Variants in ATXN7 observed in about 807,000 individuals in gnomAD.
ATXN7 encodes the protein ataxin 7.
In ATXN7, 12 loss-of-function variants were observed where a neutral mutation model predicts 70.5. The ratio of observed to expected loss-of-function variants is 0.17; its 90% CI spans 0.11 to 0.28. The LOEUF is 0.28. ATXN7 is among the 10% of genes least tolerant of loss of function. ATXN7 has a pLI of 1.00. For missense variants in ATXN7, 1,256 were observed against 1,131.7 expected (o/e 1.11, Z -1.58); for synonymous variants, 498 against 448.7 (o/e 1.11, Z -1.39).
At chr3:63,984,698 T>C (rs560710355) in intron 8 of ATXN7, among the ~76,000 whole-genome samples, 55 of 152,344 alleles carry the variant, frequency 3.6e-4, no homozygotes, top group African/African-American at 1.3e-3. Context: ...TATTGTTGAC[T>C]GTGAAAGAAT....
chr3:63,902,087 G>A (rs190992181), intron 2 of ATXN7: 1 of 152,242 alleles, frequency 6.6e-6, no homozygotes, highest in East Asian at 1.9e-4. Flanking sequence ...CACTGTGAAT[G>A]TACTAAATGT....
At chr3:63,888,500 C>T (rs898874609) in intron 1 of ATXN7, among the ~76,000 whole-genome samples, 11 of 152,056 alleles carry the variant, frequency 7.2e-5, no homozygotes, top group African/African-American at 2.2e-4. Flanking sequence ...AGATCTTGGT[C>T]GGGCGCAGTG....
intron 5 of ATXN7, among the ~76,000 whole-genome samples, chr3:63,971,014 G>C (rs941045187): frequency 6.6e-6 from 1 of 152,140 alleles, no homozygotes; most frequent in African/African-American, 2.4e-5. Context: ...TTTCCCGTTA[G>C]GTTTTAATTT....
chr3:63,962,517 G>A (rs1398446973), intron 5 of ATXN7, among the ~76,000 whole-genome samples: 1 of 151,736 alleles, frequency 6.6e-6, no homozygotes, highest in Admixed American at 6.6e-5. Context: ...TGATTCTCGT[G>A]CCTCAGCCTC....
At chr3:63,905,787 T>A (rs1298803394) in intron 2 of ATXN7, 2 of 152,324 alleles carry the variant, frequency 1.3e-5, no homozygotes, top group Non-Finnish European at 2.9e-5. Context: ...TAGTAGGAAG[T>A]GGACAGAGGA....
intron 2 of ATXN7, among the ~76,000 whole-genome samples, chr3:63,900,199 C>A (rs1703584468): frequency 6.6e-6 from 1 of 152,132 alleles, no homozygotes; most frequent in Admixed American, 6.5e-5. Flanking sequence ...ACAACAGAAT[C>A]GAAACAAGGA....
chr3:63,945,972 A>G (rs2074852225), intron 4 of ATXN7, among the ~76,000 whole-genome samples: 1 of 152,240 alleles, frequency 6.6e-6, no homozygotes, highest in Non-Finnish European at 1.5e-5. Flanking sequence ...GCAGAGAGGC[A>G]GGGCCAAGCT....
chr3:63,934,160 G>T (rs2074614535), intron 4 of ATXN7, among the ~76,000 whole-genome samples: 1 of 152,216 alleles, frequency 6.6e-6, no homozygotes, highest in Admixed American at 6.5e-5. Flanking sequence ...AGCTGGGGAA[G>T]TCTGAAACCA....
chr3:63,895,747 CTCTT>C (rs954741329), intron 1 of ATXN7, among the ~76,000 whole-genome samples: 5 of 151,814 alleles, frequency 3.3e-5, no homozygotes, highest in African/African-American at 9.7e-5. Context: ...CTCTCTCTCT[CTCTT>C]TCTCTCTTTT....
chr3:63,875,686 C>A (rs950033299), intron 1 of ATXN7, among the ~76,000 whole-genome samples: 1 of 152,156 alleles, frequency 6.6e-6, no homozygotes, highest in Non-Finnish European at 1.5e-5. Context: ...GTCCTTTCAG[C>A]CCCTGGACTC....
At chr3:63,948,290 G>T (rs2074897162) in intron 4 of ATXN7, among the ~76,000 whole-genome samples, 1 of 152,298 alleles carries the variant, frequency 6.6e-6, no homozygotes, top group Admixed American at 6.5e-5. Context: ...AGTTTGAGCT[G>T]TTGGGGGATG....
intron 4 of ATXN7, among the ~76,000 whole-genome samples, chr3:63,950,808 T>C (rs1208031716): frequency 6.6e-6 from 1 of 152,174 alleles, no homozygotes; most frequent in Admixed American, 6.5e-5. Context: ...TAAATAAGCG[T>C]AGTCACAGAA....
chr3:63,995,505 G>A lies in ATXN7; in HGVS notation c.1683G>A (p.Lys561=). 6.2e-7 allele frequency: 1 copy of A among 1,613,228 alleles called. No individual in the cohort carries two copies. Residue 561 remains lysine (K), a splice_region_variant and synonymous_variant, in exon 12 of 13, where the codon AAG becomes AAA. Coordinates refer to ENST00000674280, the MANE Select transcript of ATXN7 (RefSeq NM_001377405.1). ...VEKHLNAQLW[K]KIPPVPSTTS... is the part of the protein sequence containing the mutation. ...TTCACTGTCCTCTAATTTTTTTCAGGAAAATCCCACCAGTGCCCAGTACCA... is the reference window on the plus strand; with the variant it reads ...TTCACTGTCCTCTAATTTTTTTCAGAAAAATCCCACCAGTGCCCAGTACCA...
Position 63,993,694 on chromosome 3 carries a change from C to T in ATXN7, c.1683-1811C>T, listed in dbSNP as rs796733864. On this transcript the variant is annotated intron_variant, in intron 11 of 12. Coordinates refer to ENST00000674280, the MANE Select transcript of ATXN7 (RefSeq NM_001377405.1). ...TTTTCTAAGAGGAACTTGTGATTGC[C>T]TCCCGGAGAGATCCACATCCTTCCC... Among the ~76,000 whole-genome samples the T allele has an allele frequency of 1.2e-4, 18 of 152,276 alleles. 1 individual carries two copies. Among genetic ancestry groups the T allele is most frequent in the African/African-American group, 4.1e-4 (17 of 41,550 alleles).
intron 2 of ATXN7, among the ~76,000 whole-genome samples, chr3:63,907,001 T>C (rs1703860329): frequency 6.6e-6 from 1 of 152,198 alleles, no homozygotes; most frequent in African/African-American, 2.4e-5. Flanking sequence ...AAAGCCATAA[T>C]TCAGCAAGAT....
intron 10 of ATXN7, 76 bp from the exon 11 acceptor site, chr3:63,990,662 C>T: frequency 1.9e-6 from 3 of 1,605,298 alleles, no homozygotes; most frequent in Non-Finnish European, 2.6e-6. Context: ...TAGCTCCTTT[C>T]CTGAAGGATC....
rs1225903880 is a variant in ATXN7, at chr3:64,001,303, A to G, written c.*1836A>G. 6.6e-6 allele frequency: 1 copy of G among 152,202 alleles called. No individual in the cohort carries two copies. The highest frequency in any genetic ancestry group is 2.4e-5 in the African/African-American group (1 of 41,450). 9.4% of individuals were successfully genotyped at this position (152,202 alleles called of 1,614,324 possible). A position where few individuals can be genotyped will look rare whatever the true frequency, so the allele number is the denominator to read the frequency against. On this transcript the variant is annotated 3_prime_UTR_variant, in exon 13 of 13. Coordinates refer to ENST00000674280, the MANE Select transcript of ATXN7 (RefSeq NM_001377405.1). The stretch of plus-strand genomic sequence containing the variant: ...AATCAGTAAATGTTTTTAAAATGAT[A>G]CTACAGGAGAGCTTAGTAAGGAGAG...
rs2075815825 is a variant in ATXN7, at chr3:63,999,845, A to G, written c.*378A>G. ...AAAAGAATGTTTTGGCAAGAGCGTT[A>G]CTGTAGACCTTTCTCCCTCCTTCCT... On this transcript the variant is annotated 3_prime_UTR_variant, in exon 13 of 13. Coordinates refer to ENST00000674280, the MANE Select transcript of ATXN7 (RefSeq NM_001377405.1). 1 of 351,702 alleles carries G rather than the reference A, an allele frequency of 2.8e-6. No homozygotes were observed. The highest frequency in any genetic ancestry group is 2.1e-5 in the African/African-American group (1 of 48,400). The allele number at this position is 351,702 out of a possible 1,614,324, so 21.8% of individuals were successfully genotyped here. A position where few individuals can be genotyped will look rare whatever the true frequency, so the allele number is the denominator to read the frequency against.
At chr3:63,908,858 T>C (rs1311725462) in intron 2 of ATXN7, among the ~76,000 whole-genome samples, 1 of 152,210 alleles carries the variant, frequency 6.6e-6, no homozygotes, top group African/African-American at 2.4e-5. Flanking sequence ...TCCCTAAATT[T>C]GGGTGACGAG....
Sources: gnomAD v4.1 joint callset for allele counts (sites outside exome capture counted in the v4.1 genomes callset) on GRCh38, gnomAD v4.1.1 for gene constraint, MANE v1.5 for transcripts, NCBI Gene and HGNC (gene_info 2026-07-23, HGNC 2026-07-21) for gene names.